The following INTS4 variants were observed in gnomAD, a reference collection of about 807,000 sequenced individuals.
INTS4 encodes MSTP093.
INTS4 carries 70 observed loss-of-function variants against 119.5 expected under a neutral mutation model. The observed-to-expected ratio is 0.59, with a 90% CI of 0.48 to 0.71. INTS4 has a LOEUF of 0.71. Among genes scored for constraint, INTS4 ranks in the 30% least tolerant of loss-of-function variants. INTS4 has a pLI of 0.00. For missense variants in INTS4, 867 were observed against 1,173.2 expected (o/e 0.74, Z 3.81); for synonymous variants, 316 against 419.6 (o/e 0.75, Z 3.02).
intron 17 of INTS4, among the ~76,000 whole-genome samples, chr11:77,902,173 C>G (rs1187137408): frequency 6.6e-6 from 1 of 152,210 alleles, no homozygotes; most frequent in Non-Finnish European, 1.5e-5. Context: ...TCCAGACTCT[C>G]TTACAATTGG....
At chr11:77,980,854 G>A (rs1352944196) in intron 3 of INTS4, among the ~76,000 whole-genome samples, 6 of 152,042 alleles carry the variant, frequency 3.9e-5, no homozygotes, top group East Asian at 3.9e-4. Context: ...CAGCCAGGGC[G>A]TGGTGGCAGG....
chr11:77,901,214 G>A, intron 18 of INTS4: 1 of 632,028 alleles, frequency 1.6e-6, no homozygotes, highest in East Asian at 2.7e-5. Context: ...TTTAGCAAGG[G>A]AGAGACACAA....
intron 5 of INTS4, 131 bp downstream of exon 5, chr11:77,960,822 C>A (rs7929510): frequency 1.3e-6 from 1 of 771,132 alleles, no homozygotes; most frequent in East Asian, 2.7e-5. Context: ...CTGAGTTCTG[C>A]GAGGCCACCA....
intron 2 of INTS4, among the ~76,000 whole-genome samples, chr11:77,989,489 T>C (rs1282112906): frequency 6.6e-6 from 1 of 151,768 alleles, no homozygotes; most frequent in African/African-American, 2.4e-5. Flanking sequence ...TAAAATAAAA[T>C]TCAGCGAAAA....
intron 8 of INTS4, among the ~76,000 whole-genome samples, chr11:77,944,767 C>CATTTTGG (rs1954007641): frequency 6.6e-6 from 1 of 152,196 alleles, no homozygotes. Context: ...GAGCACTTCA[C>CATTTTGG]ATTTTGGATT....
intron 15 of INTS4, among the ~76,000 whole-genome samples, chr11:77,917,873 C>T (rs1410563717): frequency 6.6e-6 from 1 of 151,706 alleles, no homozygotes; most frequent in African/African-American, 2.4e-5. Context: ...CGCATGTAAA[C>T]CAGGCATTAG....
chr11:77,891,549 T>C (rs1952267903), intron 20 of INTS4, 87 bp from the exon 21 acceptor site: 2 of 1,569,172 alleles, frequency 1.3e-6, no homozygotes, highest in Admixed American at 1.8e-5. Context: ...CCTTATCTAA[T>C]GAGTGGGCAT....
intron 10 of INTS4, among the ~76,000 whole-genome samples, chr11:77,935,112 C>T (rs1166655068): frequency 6.6e-6 from 1 of 152,072 alleles, no homozygotes; most frequent in Non-Finnish European, 1.5e-5. Flanking sequence ...AGACAGATAG[C>T]ATATGGAAAT....
At chr11:77,974,069 T>C (rs1181911001) in intron 4 of INTS4, among the ~76,000 whole-genome samples, 1 of 152,144 alleles carries the variant, frequency 6.6e-6, no homozygotes, top group African/African-American at 2.4e-5. Flanking sequence ...AGCTTTTCTT[T>C]GTAGGGATTT....
intron 4 of INTS4, among the ~76,000 whole-genome samples, chr11:77,976,748 A>G (rs950641019): frequency 6.6e-6 from 1 of 152,232 alleles, no homozygotes; most frequent in African/African-American, 2.4e-5. Context: ...ATGCAGCCAT[A>G]AAAAATGATG....
At chr11:77,923,507 G>A (rs1322047395) in intron 12 of INTS4, among the ~76,000 whole-genome samples, 1 of 151,980 alleles carries the variant, frequency 6.6e-6, no homozygotes, top group Non-Finnish European at 1.5e-5. Context: ...TTGATATCCT[G>A]GGTGAAGTCC....
intron 15 of INTS4, chr11:77,917,901 T>A (rs564914859): frequency 2.9e-5 from 17 of 585,684 alleles, no homozygotes. Context: ...GAATAAAGAC[T>A]GCATGTCCTC....
At chr11:77,889,939 T>C (rs181262621) in intron 21 of INTS4, among the ~76,000 whole-genome samples, 4 of 152,290 alleles carry the variant, frequency 2.6e-5, no homozygotes, top group African/African-American at 9.6e-5. Context: ...AGTGAAGTTT[T>C]TTTCAGGGAC....
In INTS4 at chr11:77,907,784, T is replaced by A. The variant is rs781210393; in HGVS notation, c.1949A>T (p.Gln650Leu). 6.2e-7 allele frequency: 1 copy of A among 1,613,532 alleles called. No individual in the cohort carries two copies. The highest frequency in any genetic ancestry group is 8.5e-7 in the Non-Finnish European group (1 of 1,179,572). ...ATCAGCTACTCCTGCCAATTCAGAT[T>A]GAAGTTCTCCAAGTCTTTGCAGATC... ...IRDLQRLGELQSELAGVADFS... is the reference protein window; with the variant it reads ...IRDLQRLGELLSELAGVADFS... Residue 650 changes from glutamine to leucine, a missense_variant, in exon 16 of 23, where the codon CAA becomes CTA. By Grantham distance (113) the Gln-to-Leu change is moderately radical (BLOSUM62 -2). Around this residue, in one of 5 missense-constraint regions of INTS4, gnomAD observed 262 missense variants for 376.0 expected, o/e 0.70. Coordinates refer to ENST00000534064, the MANE Select transcript of INTS4 (RefSeq NM_033547.4).
chr11:77,987,471 T>C (rs1856499389), intron 2 of INTS4: 1 of 308,006 alleles, frequency 3.2e-6, no homozygotes, highest in East Asian at 1.0e-4. Flanking sequence ...TAGATGATTA[T>C]TGGTAACAGA....
At chr11:77,972,844 T>C (rs1223365860) in intron 4 of INTS4, among the ~76,000 whole-genome samples, 1 of 151,762 alleles carries the variant, frequency 6.6e-6, no homozygotes, top group Non-Finnish European at 1.5e-5. Context: ...TTTTTTTTTT[T>C]TTAATACAGA....
intron 4 of INTS4, among the ~76,000 whole-genome samples, chr11:77,967,612 C>T (rs908580844): frequency 2.6e-5 from 4 of 152,178 alleles, no homozygotes; most frequent in East Asian, 3.9e-4. Context: ...AAGTATCAAA[C>T]GCAACATCAT....
intron 4 of INTS4, 141 bp from the exon 5 acceptor site, chr11:77,961,279 C>T: frequency 8.7e-7 from 1 of 1,147,428 alleles, no homozygotes; most frequent in Non-Finnish European, 1.2e-6. Context: ...ATTCTTAGGA[C>T]AGTCTGTCTA....
At chr11:77,914,357 A>G (rs940530767) in intron 15 of INTS4, among the ~76,000 whole-genome samples, 6 of 152,244 alleles carry the variant, frequency 3.9e-5, no homozygotes, top group Admixed American at 1.3e-4. Context: ...CTTTAGTGCC[A>G]ACAGGATAAA....
Sources: gnomAD v4.1 joint callset for allele counts (sites outside exome capture counted in the v4.1 genomes callset) on GRCh38, gnomAD v4.1.1 for gene constraint, gnomAD v4.1.1 regional missense constraint, MANE v1.5 for transcripts, NCBI Gene and HGNC (gene_info 2026-07-23, HGNC 2026-07-21) for gene names.